Variants in ADAMTSL3 observed in about 807,000 individuals in gnomAD.
ADAMTSL3 encodes ADAMTS-like protein 3.
A neutral mutation model predicts 201.7 loss-of-function variants in ADAMTSL3; 128 were observed. The ratio of observed to expected loss-of-function variants is 0.63; its 90% CI spans 0.55 to 0.73. The LOEUF is 0.73. Ranked by LOEUF, ADAMTSL3 falls within the 30% of genes least tolerant of loss-of-function variation. The pLI is 0.00. For missense variants in ADAMTSL3, 1,990 were observed against 2,119.6 expected (o/e 0.94, Z 1.20); for synonymous variants, 738 against 748.4 (o/e 0.99, Z 0.23).
At chr15:84,006,281 T>C (rs1041487027) in intron 23 of ADAMTSL3, among the ~76,000 whole-genome samples, 5 of 152,236 alleles carry the variant, frequency 3.3e-5, no homozygotes, top group African/African-American at 1.2e-4. Context: ...TAACTGATGG[T>C]AGCTTAAATC....
chr15:83,810,849 C>T (rs1307724212), intron 5 of ADAMTSL3, among the ~76,000 whole-genome samples: 1 of 152,216 alleles, frequency 6.6e-6, no homozygotes, highest in Admixed American at 6.5e-5. Flanking sequence ...AGCGATTCTC[C>T]TGCCTCAGCC....
At chr15:83,748,026 A>G (rs576335722) in intron 3 of ADAMTSL3, among the ~76,000 whole-genome samples, 1 of 151,866 alleles carries the variant, frequency 6.6e-6, no homozygotes, top group Non-Finnish European at 1.5e-5. Context: ...CTCATATGTC[A>G]TTCCCCTTAA....
chr15:83,755,398 C>A (rs534492196), intron 3 of ADAMTSL3, among the ~76,000 whole-genome samples: 28 of 152,246 alleles, frequency 1.8e-4, no homozygotes, highest in African/African-American at 6.5e-4. Context: ...ACCTACTGTA[C>A]CCATTAAATA....
At chr15:83,702,722 A>G (rs1198358732) in intron 2 of ADAMTSL3, among the ~76,000 whole-genome samples, 1 of 152,214 alleles carries the variant, frequency 6.6e-6, no homozygotes, top group African/African-American at 2.4e-5. Context: ...AAACACCTGG[A>G]TGCCCAGGCA....
chr15:84,021,166 A>C (rs749165591), intron 25 of ADAMTSL3, among the ~76,000 whole-genome samples: 1 of 152,114 alleles, frequency 6.6e-6, no homozygotes, highest in African/African-American at 2.4e-5. Context: ...CTGGCCGATG[A>C]TAGTCCCTCT....
intron 19 of ADAMTSL3, among the ~76,000 whole-genome samples, chr15:83,960,166 A>G (rs2066938234): frequency 6.6e-6 from 1 of 152,184 alleles, no homozygotes; most frequent in African/African-American, 2.4e-5. Context: ...AAATAATAAT[A>G]ATTAGGGCTT....
At chr15:83,901,265 A>G (rs907500212) in intron 15 of ADAMTSL3, among the ~76,000 whole-genome samples, 2 of 152,118 alleles carry the variant, frequency 1.3e-5, no homozygotes, top group Non-Finnish European at 2.9e-5. Flanking sequence ...AAGAGGGGGA[A>G]TCAAAAGAGG....
chr15:83,913,190 C>T lies in ADAMTSL3; in HGVS notation c.1799C>T (p.Thr600Ile). 6.2e-7 allele frequency: 1 copy of T among 1,614,186 alleles called. No individual in the cohort carries two copies. Among genetic ancestry groups the T allele is most frequent in the Non-Finnish European group, 8.5e-7 (1 of 1,180,040 alleles). Residue 600 changes from threonine to isoleucine, a missense_variant, in exon 16 of 30, where the codon ACT becomes ATT. Transcript: ENST00000286744. ...KCRVLLTFTQ[T>I]ETELPEEECE... Reference sequence around the variant, plus strand: ...CGTGTGCTCCTCACATTCACGCAGACTGAGACTGAGCTGCCCGAGGAAGAG... The same window carrying T: ...CGTGTGCTCCTCACATTCACGCAGATTGAGACTGAGCTGCCCGAGGAAGAG...
rs2141955084 is a variant in ADAMTSL3 at position 84,038,742 on chromosome 15, T to G, written c.*936T>G. 6.6e-6 allele frequency: 1 copy of G among 152,464 alleles called. No individual in the cohort carries two copies. Among genetic ancestry groups the G allele is most frequent in the East Asian group, 1.9e-4 (1 of 5,186 alleles). The allele number at this position is 152,464 out of a possible 1,614,324, so 9.4% of individuals were successfully genotyped here. A position where few individuals can be genotyped will look rare whatever the true frequency, so the allele number is the denominator to read the frequency against. On this transcript the variant is annotated 3_prime_UTR_variant, in exon 30 of 30. Coordinates refer to ENST00000286744, the MANE Select transcript of ADAMTSL3 (RefSeq NM_207517.3). ...GAAAATAATTTTTATAGTAAATAAT[T>G]GTTTTGGGCTGATTTTTCAGTAAAT...
intron 4 of ADAMTSL3, among the ~76,000 whole-genome samples, chr15:83,797,609 AG>A (rs926005257): frequency 2.6e-5 from 4 of 152,156 alleles, no homozygotes; most frequent in Admixed American, 6.5e-5. Context: ...TACCCCAAAA[AG>A]AAAAAAAGAA....
intron 15 of ADAMTSL3, among the ~76,000 whole-genome samples, chr15:83,908,067 A>G (rs747872172): frequency 6.6e-6 from 1 of 152,182 alleles, no homozygotes; most frequent in Non-Finnish European, 1.5e-5. Context: ...TGATTTTAGC[A>G]GTTGGATATT....
intron 7 of ADAMTSL3, among the ~76,000 whole-genome samples, chr15:83,839,977 G>GTT: frequency 6.6e-6 from 1 of 152,026 alleles, no homozygotes; most frequent in South Asian, 2.1e-4. Context: ...GTGGTTGGAG[G>GTT]GTTTATCTGA....
At chr15:83,788,559 T>C (rs567162433) in intron 4 of ADAMTSL3, among the ~76,000 whole-genome samples, 1 of 152,312 alleles carries the variant, frequency 6.6e-6, no homozygotes, top group African/African-American at 2.4e-5. Flanking sequence ...TAACATCAAG[T>C]AATGTTACTG....
intron 3 of ADAMTSL3, among the ~76,000 whole-genome samples, chr15:83,744,924 G>T (rs935194808): frequency 1.3e-5 from 2 of 152,334 alleles, no homozygotes; most frequent in Admixed American, 1.3e-4. Context: ...AAGAGGGCGG[G>T]TCCCTGGCAA....
chr15:83,705,548 G>C (rs2061838314), intron 3 of ADAMTSL3, among the ~76,000 whole-genome samples: 1 of 152,214 alleles, frequency 6.6e-6, no homozygotes, highest in Non-Finnish European at 1.5e-5. Context: ...ACCCTGTTCT[G>C]AGGGCTGGCT....
chr15:84,021,404 C>T lies in ADAMTSL3; in HGVS notation c.4274-6C>T. The T allele has an allele frequency of 6.2e-7, 1 of 1,613,996 alleles. No individual in the cohort carries two copies. Reference sequence around the variant, plus strand: ...GCTGGCATGATATTTTGTTTTCTTTCTGCAGAGCCTTTTTGGGAGCCTGGT... The same window carrying T: ...GCTGGCATGATATTTTGTTTTCTTTTTGCAGAGCCTTTTTGGGAGCCTGGT... On this transcript the variant is annotated splice_region_variant and splice_polypyrimidine_tract_variant and intron_variant, in intron 25 of 29. Coordinates refer to ENST00000286744, the MANE Select transcript of ADAMTSL3 (RefSeq NM_207517.3).
chr15:83,889,922 C>G (rs2065470687), intron 10 of ADAMTSL3, among the ~76,000 whole-genome samples, 187 bp from the exon 11 acceptor site: 1 of 152,036 alleles, frequency 6.6e-6, no homozygotes, highest in East Asian at 1.9e-4. Context: ...CTTAATTGGA[C>G]CATGAAGGAA....
intron 8 of ADAMTSL3, among the ~76,000 whole-genome samples, chr15:83,869,340 G>A (rs2065038678): frequency 6.6e-6 from 1 of 152,046 alleles, no homozygotes; most frequent in Non-Finnish European, 1.5e-5. Context: ...ATTGGAACTA[G>A]GAAATGAATT....
intron 7 of ADAMTSL3, among the ~76,000 whole-genome samples, chr15:83,843,202 G>A (rs949366431): frequency 6.6e-6 from 1 of 151,934 alleles, no homozygotes; most frequent in African/African-American, 2.4e-5. Context: ...GACCCCTGAT[G>A]CCTGTTTAGG....
Sources: gnomAD v4.1 joint callset for allele counts (sites outside exome capture counted in the v4.1 genomes callset) on GRCh38, gnomAD v4.1.1 for gene constraint, MANE v1.5 for transcripts, NCBI Gene and HGNC (gene_info 2026-07-23, HGNC 2026-07-21) for gene names.